The following IL2RA variants were observed in gnomAD, a reference collection of about 807,000 sequenced individuals.
IL2RA encodes the protein interleukin-2 receptor subunit alpha.
A neutral mutation model predicts 37.8 loss-of-function variants in IL2RA; 24 were observed. The ratio of observed to expected loss-of-function variants is 0.63; its 90% CI spans 0.46 to 0.89. The LOEUF (loss-of-function observed/expected upper bound fraction) is 0.89. Among genes scored for constraint, IL2RA ranks in the 40% least tolerant of loss-of-function variants. The pLI is 0.00. For missense variants in IL2RA, 319 were observed against 348.6 expected, an observed-to-expected ratio of 0.92 and a Z score of 0.68; for synonymous variants, 125 against 114.6, an observed-to-expected ratio of 1.09 and a Z score of -0.58.
At chr10:6,051,519 T>A (rs867172036) in intron 1 of IL2RA, among the ~76,000 whole-genome samples, 46 of 129,010 alleles carry the variant, frequency 3.6e-4, no homozygotes, top group African/African-American at 1.2e-3. Flanking sequence ...ATATATATAT[T>A]TTTTTTCTTT....
At chr10:6,037,134 G>A (rs773789066) in intron 1 of IL2RA, among the ~76,000 whole-genome samples, 2 of 152,194 alleles carry the variant, frequency 1.3e-5, no homozygotes, top group African/African-American at 2.4e-5. Flanking sequence ...TGCATCCACA[G>A]CGGTTTGTGC....
intron 1 of IL2RA, among the ~76,000 whole-genome samples, chr10:6,032,106 G>C (rs1220407809): frequency 6.6e-6 from 1 of 151,768 alleles, no homozygotes; most frequent in Non-Finnish European, 1.5e-5. Context: ...AATGAGAAAG[G>C]AAAAATCTTT....
chr10:6,019,769 C>T, intron 5 of IL2RA, 101 bp downstream of exon 5: 2 of 1,096,208 alleles, frequency 1.8e-6, no homozygotes, highest in South Asian at 2.5e-5. Flanking sequence ...TGGGCTTCTC[C>T]CCTACAGGTC....
Position 6,020,686 on chromosome 10 carries a change from C to T in IL2RA, c.584-745G>A, listed in dbSNP as rs1839370161. On this transcript the variant is annotated intron_variant, in intron 4 of 7. Coordinates refer to ENST00000379959, the MANE Select transcript of IL2RA (RefSeq NM_000417.3). This position sits in a 1 kb window ranked among gnomAD's most constrained non-coding sequence, Gnocchi z 5.6. ...TAGCTGGGATTACAGGCACCCACCA[C>T]CACGCCCAGATAATTTTTGTATTTT... Among the ~76,000 whole-genome samples, 1 of 152,166 alleles carries T rather than the reference C, an allele frequency of 6.6e-6. No individual in the cohort carries two copies. The highest frequency in any genetic ancestry group is 1.5e-5 in the Non-Finnish European group (1 of 68,042).
At chr10:6,045,986 C>T (rs1037446816) in intron 1 of IL2RA, among the ~76,000 whole-genome samples, 22 of 152,266 alleles carry the variant, frequency 1.4e-4, no homozygotes, top group African/African-American at 4.6e-4. Flanking sequence ...AGGTGAGGGC[C>T]GGTCCTGTTA....
chr10:6,040,894 G>C (rs1839761497), intron 1 of IL2RA, among the ~76,000 whole-genome samples: 1 of 152,122 alleles, frequency 6.6e-6, no homozygotes, highest in Admixed American at 6.5e-5. Context: ...TCATAAGGTG[G>C]CCAGATAGAA....
chr10:6,051,822 T>TATATATATATATAC (rs1262575693), intron 1 of IL2RA, among the ~76,000 whole-genome samples: 2 of 101,326 alleles, frequency 2.0e-5, no homozygotes, highest in Non-Finnish European at 4.0e-5. Flanking sequence ...CCCAGCTATA[T>TATATATATATATAC]ATATATATAT....
At position 6,045,506 on chromosome 10, in the gene IL2RA, C is replaced by T. The variant is rs11256493; in HGVS notation, c.64+16582G>A. 7.9e-5 allele frequency among the ~76,000 whole-genome samples: 12 copies of T among 152,122 alleles called. 1 individual carries two copies. Among genetic ancestry groups the T allele is most frequent in the South Asian group, 4.2e-4 (2 of 4,818 alleles). Reference sequence around the variant, plus strand: ...TTCTAATCCTGGGAGTCTTCTCGGTCGACAACAGGCTTCCGGGCATGAAAG... The same window carrying T: ...TTCTAATCCTGGGAGTCTTCTCGGTTGACAACAGGCTTCCGGGCATGAAAG... On this transcript the variant is annotated intron_variant, in intron 1 of 7. Transcript: ENST00000379959.
rs36086043 is a variant in IL2RA at position 6,021,867 on chromosome 10, C to T, written c.368-174G>A. On this transcript the variant is annotated intron_variant, in intron 3 of 7. Transcript: ENST00000379959. This position sits in a 1 kb window ranked among gnomAD's most constrained non-coding sequence, Gnocchi z 4.9. ...CTGAGCGTGGGGAAGTTTGCTAGGC[C>T]CTGTAGGAAGGCACGAAGACCCTGT... 1.4e-3 allele frequency among the ~76,000 whole-genome samples: 214 copies of T among 152,052 alleles called. 5 individuals carry two copies. The East Asian group carries it at 0.037, about 26-fold the overall frequency.
intron 1 of IL2RA, among the ~76,000 whole-genome samples, chr10:6,043,603 A>C (rs1422941546): frequency 6.6e-6 from 1 of 152,030 alleles, no homozygotes; most frequent in Non-Finnish European, 1.5e-5. Context: ...ACATCAGGCT[A>C]ATTTTTGTAT....
At chr10:6,031,442 G>GTGTA (rs1356678764) in intron 1 of IL2RA, among the ~76,000 whole-genome samples, 4 of 54,048 alleles carry the variant, frequency 7.4e-5, no homozygotes, top group East Asian at 1.3e-3. Flanking sequence ...AGCAATTTCA[G>GTGTA]TATATATATA....
At position 6,012,726 on chromosome 10, in the gene IL2RA, A is replaced by G; in HGVS notation, c.*146T>C. On this transcript the variant is annotated 3_prime_UTR_variant, in exon 8 of 8. Transcript: ENST00000379959. The surrounding 1 kb of genome is among the most constrained non-coding windows in gnomAD (Gnocchi z 4.8). ...GGTTGCCACTGCCCCGTGTCCTGTG[A>G]TGTGACTTCAGAGCTTCCAAAACGC... 1 of 823,464 alleles carries G rather than the reference A, an allele frequency of 1.2e-6. No homozygotes were observed. The highest frequency in any genetic ancestry group is 2.5e-5 in the East Asian group (1 of 39,774). 51.0% of individuals were successfully genotyped at this position (823,464 alleles called of 1,614,324 possible).
rs12722493 is a variant in IL2RA at position 6,056,829 on chromosome 10, T to C, written c.64+5259A>G. The stretch of plus-strand genomic sequence containing the variant: ...GAAGAGAAACAGGTTCCCACTCATG[T>C]AAAACTTCTCCCATGGGAGACAAGG... On this transcript the variant is annotated intron_variant, in intron 1 of 7. Coordinates refer to ENST00000379959, the MANE Select transcript of IL2RA (RefSeq NM_000417.3). The surrounding 1 kb of genome is among the most constrained non-coding windows in gnomAD (Gnocchi z 5.0). Among the ~76,000 whole-genome samples, 4,396 of 152,228 alleles carry C rather than the reference T, an allele frequency of 0.029. 76 individuals carry two copies. Among genetic ancestry groups the C allele is most frequent in the South Asian group, 0.071 (341 of 4,828 alleles).
chr10:6,043,322 C>A (rs1377685300), intron 1 of IL2RA, among the ~76,000 whole-genome samples: 1 of 152,172 alleles, frequency 6.6e-6, no homozygotes, highest in Non-Finnish European at 1.5e-5. Context: ...TATATTGCAT[C>A]ATGAGATACA....
At chr10:6,034,994 G>A (rs1052754597) in intron 1 of IL2RA, among the ~76,000 whole-genome samples, 2 of 152,214 alleles carry the variant, frequency 1.3e-5, no homozygotes, top group Non-Finnish European at 2.9e-5. Flanking sequence ...GGTGCCTATG[G>A]ACTGTGGGAA....
chr10:6,051,504 TA>T (rs1839955720), intron 1 of IL2RA, among the ~76,000 whole-genome samples: 1 of 106,046 alleles, frequency 9.4e-6, no homozygotes, highest in African/African-American at 3.6e-5. Flanking sequence ...AATATATATA[TA>T]TATATATATA....
rs1221633318 is a variant in IL2RA at position 6,054,418 on chromosome 10, C to T, written c.64+7670G>A. On this transcript the variant is annotated intron_variant, in intron 1 of 7. Transcript: ENST00000379959. This position sits in a 1 kb window ranked among gnomAD's most constrained non-coding sequence, Gnocchi z 4.5. The stretch of plus-strand genomic sequence containing the variant: ...TTGAACCGAGGACGTCTACCGGGGA[C>T]CAATGACACCTGTAGACACTGCAGG... 6.6e-6 allele frequency among the ~76,000 whole-genome samples: 1 copy of T among 152,144 alleles called. No homozygotes were observed. The highest frequency in any genetic ancestry group is 2.4e-5 in the African/African-American group (1 of 41,444).
chr10:6,045,685 CAT>C (rs1430616433), intron 1 of IL2RA, among the ~76,000 whole-genome samples: 6 of 152,136 alleles, frequency 3.9e-5, no homozygotes, highest in African/African-American at 1.4e-4. Flanking sequence ...GGGATGGAGT[CAT>C]ATTTTTAGTA....
At position 6,046,214 on chromosome 10, in the gene IL2RA, C is replaced by A. The variant is rs1178544566; in HGVS notation, c.64+15874G>T. Among the ~76,000 whole-genome samples, 1 of 152,204 alleles carries A rather than the reference C, an allele frequency of 6.6e-6. No homozygotes were observed. The highest frequency in any genetic ancestry group is 1.5e-5 in the Non-Finnish European group (1 of 68,034). ...TACACTGTGTGTTGTTGACAGGGAT[C>A]ATGCCTTTTCACAGACAATGACAAT... On this transcript the variant is annotated intron_variant, in intron 1 of 7. Transcript: ENST00000379959. The surrounding 1 kb of genome is among the most constrained non-coding windows in gnomAD (Gnocchi z 4.8).
Sources: allele counts gnomAD v4.1 joint callset (sites outside exome capture counted in the v4.1 genomes callset), GRCh38; gene constraint gnomAD v4.1.1; non-coding constraint Gnocchi (gnomAD v3.1); transcripts MANE v1.5; gene names NCBI Gene and HGNC (gene_info 2026-07-23, HGNC 2026-07-21).